PCSK6: variants seen among roughly 807,000 people sequenced by gnomAD.
PCSK6 encodes proprotein convertase subtilisin/kexin type 6.
In PCSK6, 85 loss-of-function variants were observed where a neutral mutation model predicts 123.3. The ratio of observed to expected loss-of-function variants is 0.69; its 90% CI spans 0.58 to 0.83. The LOEUF (loss-of-function observed/expected upper bound fraction) is 0.83, where lower values mean the gene tolerates loss of function less well. PCSK6 is among the 40% of genes least tolerant of loss of function. PCSK6 has a pLI of 0.00. For synonymous variants in PCSK6, 508 were observed against 516.0 expected, an observed-to-expected ratio of 0.98 and a Z score of 0.21; for missense variants, 1,191 against 1,282.3, an observed-to-expected ratio of 0.93 and a Z score of 1.09.
chr15:101,339,037 G>A (rs1316902011), intron 13 of PCSK6, among the ~76,000 whole-genome samples: 1 of 152,234 alleles, frequency 6.6e-6, no homozygotes, highest in Non-Finnish European at 1.5e-5. Context: ...GGGAGACTAT[G>A]GTTGAATTTG....
intron 21 of PCSK6, among the ~76,000 whole-genome samples, chr15:101,306,413 A>G (rs73487285): frequency 0.02 from 3,071 of 152,120 alleles, 84 homozygotes; most frequent in African/African-American, 0.066. Flanking sequence ...CACAAGCTCC[A>G]TGCTCTGCCT....
At chr15:101,439,607 CTT>C (rs1425113207) in intron 2 of PCSK6, among the ~76,000 whole-genome samples, 1 of 152,200 alleles carries the variant, frequency 6.6e-6, no homozygotes, top group Non-Finnish European at 1.5e-5. Flanking sequence ...TCTATGTGCT[CTT>C]GTCAGGAACT....
chr15:101,387,785 G>C (rs2042110084), intron 9 of PCSK6, among the ~76,000 whole-genome samples: 1 of 26,626 alleles, frequency 3.8e-5, no homozygotes, highest in Non-Finnish European at 1.4e-4. Context: ...GTAGTGAACA[G>C]AGAGAGAAGG....
chr15:101,383,886 A>G (rs2041979702), intron 10 of PCSK6, among the ~76,000 whole-genome samples: 1 of 152,188 alleles, frequency 6.6e-6, no homozygotes, highest in South Asian at 2.1e-4. Context: ...TTATGTCAAA[A>G]AAAAGTAGTG....
At chr15:101,342,826 T>C (rs944511993) in intron 13 of PCSK6, among the ~76,000 whole-genome samples, 4 of 151,314 alleles carry the variant, frequency 2.6e-5, no homozygotes, top group Admixed American at 2.6e-4. Context: ...CGTTTGAATC[T>C]GGGAGGCAGA....
At chr15:101,483,882 T>C (rs1234101362) in intron 1 of PCSK6, among the ~76,000 whole-genome samples, 2 of 152,208 alleles carry the variant, frequency 1.3e-5, no homozygotes, top group Non-Finnish European at 1.5e-5. Context: ...AGGGACTTCT[T>C]AACATGGGCC....
intron 13 of PCSK6, among the ~76,000 whole-genome samples, chr15:101,360,458 T>C (rs548602020): frequency 2.6e-5 from 4 of 152,136 alleles, no homozygotes; most frequent in Admixed American, 6.5e-5. Context: ...GGGGCCTCTC[T>C]GCTGTGCCTG....
In PCSK6 at chr15:101,398,294, T is replaced by A; in HGVS notation, c.996+110A>T. 7.6e-7 allele frequency: 1 copy of A among 1,316,896 alleles called. No homozygotes were observed. Among genetic ancestry groups the A allele is most frequent in the Non-Finnish European group, 1.0e-6 (1 of 964,038 alleles). 81.6% of individuals were successfully genotyped at this position (1,316,896 alleles called of 1,614,324 possible). ...GGCCCTGGCACCTGTCACAGCAGAG[T>A]CTTCCCTGTCTTGTTTCAGGGCTGT... On this transcript the variant is annotated intron_variant, in intron 7 of 21. Transcript: ENST00000611716. This position sits in a 1 kb window ranked among gnomAD's most constrained non-coding sequence, Gnocchi z 4.6.
At chr15:101,365,958 G>C (rs776041938) in intron 13 of PCSK6, 8 of 364,426 alleles carry the variant, frequency 2.2e-5, no homozygotes, top group Non-Finnish European at 2.9e-5. Flanking sequence ...TCTTTTTGTG[G>C]GGATGAAAAC....
intron 7 of PCSK6, 46 bp from the exon 8 acceptor site, chr15:101,393,470 G>T: frequency 6.7e-7 from 1 of 1,494,334 alleles, no homozygotes; most frequent in Non-Finnish European, 9.1e-7. Context: ...GCAGAACCTC[G>T]TAGGGTGGGT....
At chr15:101,387,443 G>A (rs1293094671) in intron 9 of PCSK6, among the ~76,000 whole-genome samples, 2 of 152,228 alleles carry the variant, frequency 1.3e-5, no homozygotes, top group Admixed American at 1.3e-4. Context: ...GACCTTTGGA[G>A]TGGAGGACAG....
intron 6 of PCSK6, among the ~76,000 whole-genome samples, chr15:101,402,893 C>T (rs1475475906): frequency 6.6e-6 from 1 of 152,092 alleles, no homozygotes; most frequent in Non-Finnish European, 1.5e-5. Context: ...ACTAGAAATA[C>T]CATTTGACCC....
At chr15:101,310,093 G>A (rs1825460397) in intron 20 of PCSK6, among the ~76,000 whole-genome samples, 1 of 152,230 alleles carries the variant, frequency 6.6e-6, no homozygotes, top group South Asian at 2.1e-4. Context: ...GATGCCTGTG[G>A]TTCTCAGCTC....
At chr15:101,457,735 G>T (rs2057225789) in intron 1 of PCSK6, among the ~76,000 whole-genome samples, 1 of 152,160 alleles carries the variant, frequency 6.6e-6, no homozygotes, top group Non-Finnish European at 1.5e-5. Context: ...CTGTGCCGGG[G>T]ACAGCCCACA....
At chr15:101,412,483 A>T (rs2055723991) in intron 6 of PCSK6, among the ~76,000 whole-genome samples, 1 of 151,974 alleles carries the variant, frequency 6.6e-6, no homozygotes, top group South Asian at 2.1e-4. Flanking sequence ...CCATGAAAAA[A>T]ACACCTAGGT....
intron 1 of PCSK6, among the ~76,000 whole-genome samples, chr15:101,466,230 C>T (rs1041486441): frequency 2.0e-5 from 3 of 152,132 alleles, no homozygotes; most frequent in Non-Finnish European, 4.4e-5. Context: ...TCTGAGCAGA[C>T]GGTTCTCTAA....
chr15:101,387,429 G>C (rs2042097523), intron 9 of PCSK6, among the ~76,000 whole-genome samples: 1 of 152,200 alleles, frequency 6.6e-6, no homozygotes, highest in Non-Finnish European at 1.5e-5. Flanking sequence ...TTAGGTGCCG[G>C]GATGACCTTT....
At chr15:101,348,133 G>A (rs1053702604) in intron 13 of PCSK6, among the ~76,000 whole-genome samples, 1 of 152,022 alleles carries the variant, frequency 6.6e-6, no homozygotes, top group African/African-American at 2.4e-5. Context: ...GGAGGGAAAA[G>A]CCACAACCCC....
rs10639429 is a variant in PCSK6, at chr15:101,361,956, C to CTTTTTTTT, written c.1858+4232_1858+4239dup. On this transcript the variant is annotated intron_variant, in intron 13 of 21. Coordinates refer to ENST00000611716, the MANE Select transcript of PCSK6 (RefSeq NM_002570.5). ...CCAAGCAATGGAGTGCAAGGTGAAG[C>CTTTTTTTT]TTTTTTTTTTTTTTTTTTGAGTTGG... Among the ~76,000 whole-genome samples, 20 of 111,526 alleles carry CTTTTTTTT rather than the reference C, an allele frequency of 1.8e-4. 1 individual carries two copies. The highest frequency in any genetic ancestry group is 5.4e-4 in the African/African-American group (15 of 27,616). 73.2% of individuals were successfully genotyped at this position (111,526 alleles called of 152,430 possible).
Sources: allele counts gnomAD v4.1 joint callset (sites outside exome capture counted in the v4.1 genomes callset), GRCh38; gene constraint gnomAD v4.1.1; non-coding constraint Gnocchi (gnomAD v3.1); transcripts MANE v1.5; gene names NCBI Gene and HGNC (gene_info 2026-07-23, HGNC 2026-07-21).